SHOX: variants seen among roughly 807,000 people sequenced by gnomAD.
SHOX encodes SHOX homeobox, also known as short stature homeobox protein.
In SHOX, 12 loss-of-function variants were observed where a neutral mutation model predicts 29.6. The ratio of observed to expected loss-of-function variants is 0.41; its 90% CI spans 0.26 to 0.66. The LOEUF is 0.66. SHOX is among the 30% of genes least tolerant of loss of function. The pLI is 0.35. For missense variants in SHOX, 499 were observed against 437.7 expected, an observed-to-expected ratio of 1.14 and a Z score of -1.25; for synonymous variants, 214 against 200.6, an observed-to-expected ratio of 1.07 and a Z score of -0.57.
rs1366242593 is a variant in SHOX, at chrX:649,799, A to G, written c.*5163A>G. On this transcript the variant is annotated 3_prime_UTR_variant, in exon 5 of 5. Coordinates refer to ENST00000686671, the MANE Select transcript of SHOX (RefSeq NM_000451.4). ...CGTATTTTCTTCCCTCCTCTCCCCA[A>G]AACTTGGCCAAATAGTCCGTGGAGG... is the stretch of plus-strand genomic sequence containing the variant. The G allele has an allele frequency of 2.4e-6, 1 of 421,842 alleles. No homozygotes were observed. The highest frequency in any genetic ancestry group is 4.7e-6 in the Non-Finnish European group (1 of 211,208). 26.1% of individuals were successfully genotyped at this position (421,842 alleles called of 1,614,324 possible). A position where few individuals can be genotyped will look rare whatever the true frequency, so the allele number is the denominator to read the frequency against.
intron 1 of SHOX, chrX:624,706 T>C: frequency 4.7e-5 from 6 of 128,030 alleles, no homozygotes; most frequent in African/African-American, 1.5e-4. Context: ...CTTTCTTTTC[T>C]TTCTTTCTTT....
chrX:626,882 CCT>C (rs1164983813), upstream of SHOX, among the ~76,000 whole-genome samples: 4 of 148,096 alleles, frequency 2.7e-5, no homozygotes, highest in Admixed American at 6.7e-5. Flanking sequence ...TTGTCTCTCT[CCT>C]CTCTGTCTCT....
chrX:632,050 T>G, intron 1 of SHOX: 1 of 452,960 alleles, frequency 2.2e-6, no homozygotes, highest in Non-Finnish European at 4.4e-6. Context: ...CCTTCATTAT[T>G]ATTTCATTGT....
At chrX:634,564 AC>A in intron 1 of SHOX, 53 bp from the exon 2 acceptor site, 4 of 1,593,670 alleles carry the variant, frequency 2.5e-6, no homozygotes, top group Non-Finnish European at 3.4e-6. Flanking sequence ...GGGGTTCGCC[AC>A]GTTGCGCAAA....
At chrX:629,613 C>A (rs1326177823), upstream of SHOX, among the ~76,000 whole-genome samples, 1 of 152,114 alleles carries the variant, frequency 6.6e-6, no homozygotes, top group Non-Finnish European at 1.5e-5. Flanking sequence ...CACACCCCAA[C>A]CCACCGTCAC....
rs1351045019 is a variant in SHOX at position 645,035 on chromosome X, T to G, written c.*399T>G. 5.2e-6 allele frequency: 1 copy of G among 193,800 alleles called. No homozygotes were observed. The highest frequency in any genetic ancestry group is 1.0e-5 in the Non-Finnish European group (1 of 96,110). The allele number at this position is 193,800 out of a possible 1,614,324, so 12.0% of individuals were successfully genotyped here. A position where few individuals can be genotyped will look rare whatever the true frequency, so the allele number is the denominator to read the frequency against. ...GAAACTGCAAAGATCCCGGAGCTGG[T>G]CTCCGATGAAAATGCCATTTCTTCG... On this transcript the variant is annotated 3_prime_UTR_variant, in exon 5 of 5. Transcript: ENST00000686671.
chrX:630,964 G>A lies in SHOX; in HGVS notation c.67G>A (p.Gly23Ser). ...GAAAAGCAAGGACGGTAACGGCGGA[G>A]GCGGAGGCGGCGGAGGTAAGAAGGA... ...DQKSKDGNGG[G>S]GGGGGKKDSI... Residue 23 changes from glycine to serine, a missense_variant, in exon 1 of 5, where the codon GGC (glycine) becomes AGC (serine). Physicochemically the swap from Gly to Ser is moderately conservative, Grantham distance 56. Transcript: ENST00000686671. 6.2e-7 allele frequency: 1 copy of A among 1,613,856 alleles called. No homozygotes were observed. Among genetic ancestry groups the A allele is most frequent in the Non-Finnish European group, 8.5e-7 (1 of 1,179,834 alleles).
Position 649,111 on chromosome X carries a change from C to T in SHOX, c.*4475C>T. Among the ~76,000 whole-genome samples, 1 of 151,960 alleles carries T rather than the reference C, an allele frequency of 6.6e-6. No homozygotes were observed. The highest frequency in any genetic ancestry group is 1.9e-4 in the East Asian group (1 of 5,172). On this transcript the variant is annotated 3_prime_UTR_variant, in exon 5 of 5. Transcript: ENST00000686671. ...GGAGTGCAGTGGTGCAATCCCAGCT[C>T]ACTGCATCCTCTACCTCCTGGCTTC...
At chrX:644,317 TC>T in intron 4 of SHOX, 73 bp from the exon 5 acceptor site, 2 of 1,441,576 alleles carry the variant, frequency 1.4e-6, no homozygotes, top group East Asian at 2.9e-5. Context: ...GTTGGAGGTT[TC>T]CGGGGGCGCG....
chrX:634,547 G>A (rs2052706878), intron 1 of SHOX, 71 bp from the exon 2 acceptor site: 5 of 1,532,404 alleles, frequency 3.3e-6, no homozygotes, highest in Non-Finnish European at 4.5e-6. Context: ...ACCGCGGGAT[G>A]CACGAAGGGG....
At chrX:634,501 C>T in intron 1 of SHOX, 117 bp from the exon 2 acceptor site, 2 of 1,116,544 alleles carry the variant, frequency 1.8e-6, no homozygotes, top group East Asian at 2.6e-5. Flanking sequence ...GCAGTTTTTG[C>T]GTCAAAGCGC....
intron 1 of SHOX, chrX:631,848 A>G: frequency 2.2e-6 from 1 of 454,646 alleles, no homozygotes; most frequent in Non-Finnish European, 4.4e-6. Context: ...CTGACGGCTT[A>G]GGATGTGTGT....
Position 644,712 on chromosome X carries a change from AC to A in SHOX, c.*80del. On this transcript the variant is annotated 3_prime_UTR_variant, in exon 5 of 5. Transcript: ENST00000686671. ...GCCTGCACCGCGCGTCCTGCACTCAACCCCGCCTGGAGCTCCTTCCGCGGCC... is the reference window on the plus strand; with the variant it reads ...GCCTGCACCGCGCGTCCTGCACTCAACCCGCCTGGAGCTCCTTCCGCGGCC... 1 of 1,344,724 alleles carries A rather than the reference AC, an allele frequency of 7.4e-7. No individual in the cohort carries two copies. Among genetic ancestry groups the A allele is most frequent in the Non-Finnish European group, 9.5e-7 (1 of 1,055,608 alleles). 83.3% of individuals were successfully genotyped at this position (1,344,724 alleles called of 1,614,324 possible).
intron 1 of SHOX, chrX:632,007 C>T (rs938167022): frequency 2.2e-5 from 10 of 455,956 alleles, no homozygotes; most frequent in Middle Eastern, 6.5e-4. Flanking sequence ...GGGAAGGCCC[C>T]GGGTCAGCTC....
At chrX:627,353 C>T (rs1019525160), upstream of SHOX, among the ~76,000 whole-genome samples, 230 of 152,140 alleles carry the variant, frequency 1.5e-3, 1 homozygote, top group Admixed American at 2.2e-3. Flanking sequence ...CTGGGTGTTT[C>T]CTGCCTGTCT....
chrX:635,153 G>T (rs192164280), intron 2 of SHOX, among the ~76,000 whole-genome samples: 57 of 152,100 alleles, frequency 3.7e-4, no homozygotes, highest in Middle Eastern at 3.4e-3. Context: ...AAAGACACCC[G>T]GTGAACCCAT....
At chrX:633,772 C>G (rs369252208) in intron 1 of SHOX, among the ~76,000 whole-genome samples, 1 of 152,030 alleles carries the variant, frequency 6.6e-6, no homozygotes, top group Admixed American at 6.6e-5. Flanking sequence ...CTTCCACCAG[C>G]CCTGGGTTGA....
At position 651,342 on chromosome X, in the gene SHOX, C is replaced by G. The variant is rs953314344; in HGVS notation, c.*6706C>G. The G allele has an allele frequency of 7.2e-5, 33 of 455,348 alleles. No individual in the cohort carries two copies. Among genetic ancestry groups the G allele is most frequent in the Non-Finnish European group, 1.1e-4 (26 of 226,738 alleles). The allele number at this position is 455,348 out of a possible 1,614,324, so 28.2% of individuals were successfully genotyped here. A position where few individuals can be genotyped will look rare whatever the true frequency, so the allele number is the denominator to read the frequency against. On this transcript the variant is annotated 3_prime_UTR_variant, in exon 5 of 5. Coordinates refer to ENST00000686671, the MANE Select transcript of SHOX (RefSeq NM_000451.4). ...ACACACCGTTTCCCAAACCAACAGT[C>G]TTCACATTTCTATCCCTCTGTTATT...
At chrX:634,113 G>C (rs1569493554) in intron 1 of SHOX, among the ~76,000 whole-genome samples, 1 of 152,146 alleles carries the variant, frequency 6.6e-6, no homozygotes, top group Non-Finnish European at 1.5e-5. Context: ...ACAGGCTTCG[G>C]GTAGGGGCTC....
Sources: gnomAD v4.1 joint callset for allele counts (sites outside exome capture counted in the v4.1 genomes callset) on GRCh38, gnomAD v4.1.1 for gene constraint, MANE v1.5 for transcripts, NCBI Gene and HGNC (gene_info 2026-07-23, HGNC 2026-07-21) for gene names.